RTN4IP1: variants seen among roughly 807,000 people sequenced by gnomAD.
RTN4IP1 encodes NAD(P)H oxidoreductase RTN4IP1, mitochondrial.
RTN4IP1 carries 32 observed loss-of-function variants against 46.6 expected under a neutral mutation model. That is an observed-to-expected ratio of 0.69 (90% CI 0.52 to 0.92). RTN4IP1 has a LOEUF of 0.92. Among genes scored for constraint, RTN4IP1 ranks in the 40% least tolerant of loss-of-function variants. RTN4IP1 has a pLI of 0.00. For synonymous variants in RTN4IP1, 167 were observed against 161.8 expected (o/e 1.03, Z -0.24); for missense variants, 424 against 485.8 (o/e 0.87, Z 1.20).
intron 1 of RTN4IP1, among the ~76,000 whole-genome samples, chr6:106,628,377 G>T (rs985711464): frequency 6.6e-6 from 1 of 151,752 alleles, no homozygotes; most frequent in Admixed American, 6.6e-5. Context: ...TGAGGCAGGA[G>T]AAATTGCTTG....
At chr6:106,627,973 CAGG>C (rs1776694069) in intron 1 of RTN4IP1, among the ~76,000 whole-genome samples, 1 of 143,724 alleles carries the variant, frequency 7.0e-6, no homozygotes, top group Admixed American at 7.2e-5. Context: ...GAGGCTGAAG[CAGG>C]AGAATCGCTT....
chr6:106,594,004 T>C (rs148413106), intron 5 of RTN4IP1, among the ~76,000 whole-genome samples: 23 of 152,352 alleles, frequency 1.5e-4, no homozygotes, highest in African/African-American at 5.5e-4. Flanking sequence ...ATTTAATACA[T>C]GTTTTTCTTT....
intron 8 of RTN4IP1, among the ~76,000 whole-genome samples, chr6:106,579,532 C>G (rs1775307579): frequency 2.0e-5 from 3 of 152,120 alleles, no homozygotes; most frequent in African/African-American, 7.2e-5. Context: ...CTCCTCTTCA[C>G]TTTTGAGCCT....
intron 1 of RTN4IP1, among the ~76,000 whole-genome samples, chr6:106,624,845 A>G (rs548729059): frequency 1.1e-4 from 17 of 149,264 alleles, no homozygotes; most frequent in African/African-American, 4.2e-4. Flanking sequence ...CTGAGGCAGG[A>G]GGATTGCTTG....
intron 5 of RTN4IP1, 79 bp downstream of exon 5, chr6:106,602,794 TA>T: frequency 1.0e-6 from 1 of 968,858 alleles, no homozygotes. Context: ...TCTCAGCTTT[TA>T]AGGAGAAATA....
chr6:106,583,443 T>A (rs1562133124), intron 7 of RTN4IP1, 23 bp from the exon 8 acceptor site: 1 of 1,570,286 alleles, frequency 6.4e-7, no homozygotes, highest in Admixed American at 1.7e-5. Flanking sequence ...AAACAAAACA[T>A]GTCAAATACA....
intron 8 of RTN4IP1, among the ~76,000 whole-genome samples, chr6:106,574,633 G>A (rs1338127740): frequency 1.3e-5 from 2 of 152,082 alleles, no homozygotes; most frequent in Non-Finnish European, 2.9e-5. Flanking sequence ...TAGGGGGTGG[G>A]GCAGAAAAAT....
rs111753061 is a variant in RTN4IP1 at position 106,581,643 on chromosome 6, A to G, written c.1083+1685T>C. Among the ~76,000 whole-genome samples the G allele has an allele frequency of 2.1e-3, 323 of 152,194 alleles. 1 individual carries two copies. The highest frequency in any genetic ancestry group is 7.4e-3 in the African/African-American group (306 of 41,516). ...AGCACAAGGCACATTTGCTCACTCA[A>G]CCTCCTTGGAGAATACTTCAAGGAC... On this transcript the variant is annotated intron_variant, in intron 8 of 8. Coordinates refer to ENST00000369063, the MANE Select transcript of RTN4IP1 (RefSeq NM_032730.5).
intron 4 of RTN4IP1, among the ~76,000 whole-genome samples, chr6:106,611,291 G>A (rs1210171464): frequency 6.6e-6 from 1 of 151,998 alleles, no homozygotes; most frequent in Non-Finnish European, 1.5e-5. Flanking sequence ...AAAAGAACAG[G>A]TGCTTTCCAT....
At chr6:106,608,652 G>T (rs1305758975) in intron 4 of RTN4IP1, among the ~76,000 whole-genome samples, 1 of 152,118 alleles carries the variant, frequency 6.6e-6, no homozygotes, top group Non-Finnish European at 1.5e-5. Flanking sequence ...TAAATAATGT[G>T]TATAACTTTT....
chr6:106,595,201 C>G (rs944886826), intron 5 of RTN4IP1, among the ~76,000 whole-genome samples: 1 of 152,160 alleles, frequency 6.6e-6, no homozygotes, highest in Admixed American at 6.5e-5. Context: ...GAGTTTCCCA[C>G]AGTCTGGAAT....
chr6:106,593,863 G>C (rs891535180), intron 5 of RTN4IP1, among the ~76,000 whole-genome samples: 1 of 152,118 alleles, frequency 6.6e-6, no homozygotes, highest in African/African-American at 2.4e-5. Context: ...TTCACAGCAA[G>C]TCCCAAATCA....
In RTN4IP1 at chr6:106,571,281, AG is replaced by A. The variant is rs1775052024; in HGVS notation, c.*714del. On this transcript the variant is annotated 3_prime_UTR_variant, in exon 9 of 9. Coordinates refer to ENST00000369063, the MANE Select transcript of RTN4IP1 (RefSeq NM_032730.5). ...AGCTGTGGTGACCACATTATGGTGG[AG>A]GAACAAAAAAGGAAACCTTGGCAGT... is the stretch of plus-strand genomic sequence containing the variant. The A allele has an allele frequency of 6.6e-6, 1 of 152,258 alleles. No individual in the cohort carries two copies. Among genetic ancestry groups the A allele is most frequent in the Admixed American group, 6.5e-5 (1 of 15,292 alleles). The allele number at this position is 152,258 out of a possible 1,614,324, so 9.4% of individuals were successfully genotyped here.
At chr6:106,592,356 ACTGCATTG>A in intron 5 of RTN4IP1, 56 bp from the exon 6 acceptor site, 8 of 1,562,006 alleles carry the variant, frequency 5.1e-6, no homozygotes, top group Admixed American at 3.8e-5. Context: ...AGAAAAACTG[ACTGCATTG>A]AAAAAAAAAT....
chr6:106,578,801 A>C (rs1199133117), intron 8 of RTN4IP1, among the ~76,000 whole-genome samples: 1 of 152,200 alleles, frequency 6.6e-6, no homozygotes, highest in Non-Finnish European at 1.5e-5. Context: ...TCAGTTAAAA[A>C]ACATTTAACT....
chr6:106,573,468 T>G (rs1176637702), intron 8 of RTN4IP1, among the ~76,000 whole-genome samples: 1 of 152,238 alleles, frequency 6.6e-6, no homozygotes, highest in East Asian at 1.9e-4. Context: ...TCCAAAGAGC[T>G]GAAAATACTT....
intron 4 of RTN4IP1, among the ~76,000 whole-genome samples, chr6:106,618,158 T>C (rs938581905): frequency 5.9e-5 from 9 of 152,220 alleles, no homozygotes; most frequent in African/African-American, 1.9e-4. Flanking sequence ...AAAATACAGC[T>C]ATTAAACTTT....
intron 1 of RTN4IP1, 64 bp downstream of exon 1, chr6:106,628,684 A>T (rs899899017): frequency 5.6e-6 from 8 of 1,422,914 alleles, no homozygotes; most frequent in Non-Finnish European, 7.6e-6. Context: ...TCAATTTTTT[A>T]AAACGGCATA....
chr6:106,597,626 A>C (rs1775829498), intron 5 of RTN4IP1, among the ~76,000 whole-genome samples: 1 of 151,260 alleles, frequency 6.6e-6, no homozygotes, highest in East Asian at 1.9e-4. Context: ...TTACAGGGTG[A>C]GCCACTGTGC....
Sources: gnomAD v4.1 joint callset for allele counts (sites outside exome capture counted in the v4.1 genomes callset) on GRCh38, gnomAD v4.1.1 for gene constraint, MANE v1.5 for transcripts, NCBI Gene and HGNC (gene_info 2026-07-23, HGNC 2026-07-21) for gene names.